Variants in UGT1A5 observed in about 807,000 individuals in gnomAD.
UGT1A5 encodes the protein UDP glucuronosyltransferase family 1 member A5, also known as UDP-glucuronosyltransferase 1A5.
A neutral mutation model predicts 40.3 loss-of-function variants in UGT1A5; 29 were observed. That is an observed-to-expected ratio of 0.72 (90% CI 0.54 to 0.98). The LOEUF is 0.98. Ranked by LOEUF, UGT1A5 falls within the 50% of genes least tolerant of loss-of-function variation. The pLI, the probability that UGT1A5 is intolerant of heterozygous loss-of-function variation, is 0.00. For synonymous variants in UGT1A5, 257 were observed against 262.5 expected, an observed-to-expected ratio of 0.98 and a Z score of 0.20; for missense variants, 678 against 677.9, an observed-to-expected ratio of 1.00 and a Z score of 0.00.
At chr2:233,719,343 T>A (rs532530633) in intron 1 of UGT1A5, 40 of 1,613,928 alleles carry the variant, frequency 2.5e-5, no homozygotes, top group Middle Eastern at 1.7e-4. Flanking sequence ...TTTTTGGAGG[T>A]ACATTCCATG....
At position 233,728,430 on chromosome 2, in the gene UGT1A5, A is replaced by G. The variant is rs531471868; in HGVS notation, c.867+14572A>G. Among the ~76,000 whole-genome samples, 89 of 152,228 alleles carry G rather than the reference A, an allele frequency of 5.8e-4. 1 individual carries two copies. The highest frequency in any genetic ancestry group is 2.0e-3 in the African/African-American group (84 of 41,542). ...TTTAGATAGCAGCACCTCTTCTTCC[A>G]TGGTGTATATGGAGAATCCTCAACA... On this transcript the variant is annotated intron_variant, in intron 1 of 4. Transcript: ENST00000373414.
chr2:233,768,439 G>C lies in UGT1A5; in HGVS notation c.1307G>C (p.Ser436Thr), dbSNP rs1306719122. 1 of 1,613,244 alleles carries C rather than the reference G, an allele frequency of 6.2e-7. No homozygotes were observed. The highest frequency in any genetic ancestry group is 1.1e-5 in the South Asian group (1 of 90,868). ...NALKAVINDK[S>T]YKENIMRLSS... ...CTAAAAGCAGTCATCAATGACAAAA[G>C]GTAAGAAAGAAGATACAGAAGAATA... The change falls in exon 4 of 5, where the codon AGT becomes ACT. Residue 436 changes from serine (S) to threonine (T), a missense_variant and splice_region_variant. By Grantham distance (58) the Ser-to-Thr change is moderately conservative. Transcript: ENST00000373414.
rs749212538 is a variant in UGT1A5 at position 233,718,994 on chromosome 2, G to C, written c.867+5136G>C. On this transcript the variant is annotated intron_variant, in intron 1 of 4. Coordinates refer to ENST00000373414, the MANE Select transcript of UGT1A5 (RefSeq NM_019078.2). ...AGCTCCATGCCAGAGGCCACCAGGCGGTGGTCCTCACCCCAGAGGTGAATA... is the reference window on the plus strand; with the variant it reads ...AGCTCCATGCCAGAGGCCACCAGGCCGTGGTCCTCACCCCAGAGGTGAATA... 11 of 1,613,986 alleles carry C rather than the reference G, an allele frequency of 6.8e-6. No individual in the cohort carries two copies. In the Admixed American group the frequency reaches 1.2e-4, roughly 17 times the overall value.
intron 1 of UGT1A5, chr2:233,729,233 T>C (rs746735102): frequency 5.5e-5 from 88 of 1,614,154 alleles, no homozygotes; most frequent in South Asian, 6.6e-5. Context: ...GTGGTGCCCA[T>C]TGATGGCAGC....
intron 1 of UGT1A5, chr2:233,729,254 G>C (rs1181621220): frequency 1.2e-6 from 2 of 1,614,100 alleles, no homozygotes; most frequent in Admixed American, 1.7e-5. Context: ...CACTGGCTCA[G>C]CATGCGGGAG....
At chr2:233,730,495 C>G (rs755045545) in intron 1 of UGT1A5, among the ~76,000 whole-genome samples, 1 of 152,092 alleles carries the variant, frequency 6.6e-6, no homozygotes, top group African/African-American at 2.4e-5. Context: ...ATAGAAGTGT[C>G]AGAGAGGTTG....
chr2:233,740,373 A>C (rs1691376932), intron 1 of UGT1A5, among the ~76,000 whole-genome samples: 2 of 151,912 alleles, frequency 1.3e-5, no homozygotes, highest in Non-Finnish European at 2.9e-5. Context: ...CTAGAAAGGT[A>C]AGTTGTTGTG....
chr2:233,752,472 A>C (rs185071344), intron 1 of UGT1A5: 1 of 152,238 alleles, frequency 6.6e-6, no homozygotes, highest in Non-Finnish European at 1.5e-5. Context: ...GGCCTCTAGC[A>C]GTGTTATGTT....
intron 1 of UGT1A5, among the ~76,000 whole-genome samples, chr2:233,762,717 GTTT>G (rs34681509): frequency 7.1e-6 from 1 of 141,162 alleles, no homozygotes. Context: ...ATTTTACACG[GTTT>G]TTTTTTTTTG....
chr2:233,739,629 T>G (rs1457443905), intron 1 of UGT1A5, among the ~76,000 whole-genome samples: 1 of 152,190 alleles, frequency 6.6e-6, no homozygotes, highest in Non-Finnish European at 1.5e-5. Flanking sequence ...CCATTTGAAA[T>G]GGGAACATTT....
intron 1 of UGT1A5, among the ~76,000 whole-genome samples, chr2:233,720,156 G>A (rs547433908): frequency 5.6e-4 from 86 of 152,302 alleles, no homozygotes; most frequent in Non-Finnish European, 7.8e-4. Context: ...ACAGGAAGTA[G>A]AAGTGTCAAA....
In UGT1A5 at chr2:233,725,191, CAGAGGCAGAGGCAGAGGCAGAGGCAGA is replaced by C. The variant is rs1559370256; in HGVS notation, c.867+11334_867+11360del. 1.2e-4 allele frequency among the ~76,000 whole-genome samples: 9 copies of C among 75,260 alleles called. 2 individuals are homozygous for C. Among genetic ancestry groups the C allele is most frequent in the South Asian group, 1.2e-3 (2 of 1,722 alleles). 49.4% of individuals were successfully genotyped at this position (75,260 alleles called of 152,430 possible). A position where few individuals can be genotyped will look rare whatever the true frequency, so the allele number is the denominator to read the frequency against. On this transcript the variant is annotated intron_variant, in intron 1 of 4. Coordinates refer to ENST00000373414, the MANE Select transcript of UGT1A5 (RefSeq NM_019078.2). Reference sequence around the variant, plus strand: ...GGGAGACCGTGGGGAGAGGCAGAGGCAGAGGCAGAGGCAGAGGCAGAGGCAGAGGAGGCAGAGGCAGAGGAGGCAGAG... The same window carrying C: ...GGGAGACCGTGGGGAGAGGCAGAGGCGGAGGCAGAGGCAGAGGAGGCAGAG...
intron 1 of UGT1A5, chr2:233,754,819 C>A (rs768110391): frequency 7.5e-7 from 1 of 1,334,292 alleles, no homozygotes; most frequent in Non-Finnish European, 1.0e-6. Flanking sequence ...AAACCACCCT[C>A]AAAAGCTGGA....
chr2:233,724,165 C>CA (rs1189702988), intron 1 of UGT1A5, among the ~76,000 whole-genome samples: 1 of 112,674 alleles, frequency 8.9e-6, no homozygotes. Flanking sequence ...GGGGGGCTGA[C>CA]CCCCCCATCT....
Position 233,769,695 on chromosome 2 carries a change from A to G in UGT1A5, c.1307+1256A>G, listed in dbSNP as rs1699919505. ...AATGTGTGTGTGGTGGCACTGGATA[A>G]AAGATCAATGTTGGCTAGGCACCAT... On this transcript the variant is annotated intron_variant, in intron 4 of 4. Transcript: ENST00000373414. The surrounding 1 kb of genome is among the most constrained non-coding windows in gnomAD (Gnocchi z 4.4). The G allele has an allele frequency of 6.5e-7, 1 of 1,540,004 alleles. No individual in the cohort carries two copies. Among genetic ancestry groups the G allele is most frequent in the South Asian group, 1.2e-5 (1 of 81,286 alleles).
Position 233,772,467 on chromosome 2 carries a change from T to C in UGT1A5, c.1513T>C (p.Phe505Leu), listed in dbSNP as rs761746377. Residue 505 changes from phenylalanine to leucine, a missense_variant, in exon 5 of 5, where the codon TTC becomes CTC. Transcript: ENST00000373414. ...FLLAVVLTVA[F>L]ITFKCCAYGY... is the part of the protein sequence containing the mutation. ...CTTGGCCGTCGTGCTGACAGTGGCC[T>C]TCATCACCTTTAAATGTTGTGCTTA... is the stretch of plus-strand genomic sequence containing the variant. 2 of 1,614,038 alleles carry C rather than the reference T, an allele frequency of 1.2e-6. No individual in the cohort carries two copies. The highest frequency in any genetic ancestry group is 1.3e-5 in the African/African-American group (1 of 74,916).
At chr2:233,753,783 C>T (rs544247097) in intron 1 of UGT1A5, 5 of 152,330 alleles carry the variant, frequency 3.3e-5, no homozygotes, top group Non-Finnish European at 4.4e-5. Context: ...CTTTTCTTTA[C>T]ATTTCCAGGA....
chr2:233,715,338 A>T (rs2076446051), intron 1 of UGT1A5, among the ~76,000 whole-genome samples: 1 of 152,002 alleles, frequency 6.6e-6, no homozygotes, highest in East Asian at 1.9e-4. Flanking sequence ...AGATTGGTGC[A>T]TGTAGGTTTG....
chr2:233,729,571 G>GT (rs780418650), intron 1 of UGT1A5: 6 of 1,613,982 alleles, frequency 3.7e-6, no homozygotes, highest in Non-Finnish European at 4.2e-6. Flanking sequence ...CTTTGATGTG[G>GT]TTTTAACAGA....
Sources: gnomAD v4.1 joint callset for allele counts (sites outside exome capture counted in the v4.1 genomes callset) on GRCh38, gnomAD v4.1.1 for gene constraint, Gnocchi (gnomAD v3.1) non-coding constraint, MANE v1.5 for transcripts, NCBI Gene and HGNC (gene_info 2026-07-23, HGNC 2026-07-21) for gene names.